Variants in CCAR2 observed in about 807,000 individuals in gnomAD.
CCAR2 encodes the protein cell cycle and apoptosis regulator protein 2.
Under a neutral mutation model 108.1 loss-of-function variants are expected in CCAR2, and 21 were observed. The observed-to-expected ratio is 0.19, with a 90% confidence interval of 0.14 to 0.28. The LOEUF (loss-of-function observed/expected upper bound fraction) is 0.28. CCAR2 is among the 10% of genes least tolerant of loss of function. The pLI is 1.00. For missense variants in CCAR2, 1,126 were observed against 1,177.0 expected, an observed-to-expected ratio of 0.96 and a Z score of 0.63; for synonymous variants, 577 against 472.8, an observed-to-expected ratio of 1.22 and a Z score of -2.86.
chr8:22,618,056 C>T (rs754108888), intron 16 of CCAR2: 2 of 587,682 alleles, frequency 3.4e-6, no homozygotes, highest in Non-Finnish European at 6.0e-6. Flanking sequence ...CTGGCTTGGG[C>T]GTGATGAACA....
rs186898769 is a variant in CCAR2, at chr8:22,607,499, G to T, written c.487+174G>T. Among the ~76,000 whole-genome samples the T allele has an allele frequency of 2.4e-4, 33 of 137,282 alleles. No individual in the cohort carries two copies. In the South Asian group the frequency reaches 5.5e-3, roughly 23 times the overall value. The allele number at this position is 137,282 out of a possible 152,430, so 90.1% of individuals were successfully genotyped here. A position where few individuals can be genotyped will look rare whatever the true frequency, so the allele number is the denominator to read the frequency against. On this transcript the variant is annotated intron_variant, in intron 6 of 20. Coordinates refer to ENST00000308511, the MANE Select transcript of CCAR2 (RefSeq NM_001393997.1). ...TTTTTTTTTTTTTTGATGGAGTCTC[G>T]CTCTGTTGCCCAGGCTGGAGTGCAA...
chr8:22,615,248 C>CACTG (rs1801454473), intron 11 of CCAR2, 177 bp from the exon 12 acceptor site: 2 of 905,794 alleles, frequency 2.2e-6, no homozygotes, highest in East Asian at 2.5e-5. Context: ...GCGGCCTCCC[C>CACTG]ACTGACTGAT....
In CCAR2 at chr8:22,620,022, A is replaced by AGAAAAAGGCTTTTC. The variant is rs1296580453; in HGVS notation, c.*343_*356dup. The AGAAAAAGGCTTTTC allele has an allele frequency of 3.2e-6, 1 of 315,460 alleles. No homozygotes were observed. The highest frequency in any genetic ancestry group is 2.1e-5 in the African/African-American group (1 of 47,228). 19.5% of individuals were successfully genotyped at this position (315,460 alleles called of 1,614,324 possible). On this transcript the variant is annotated 3_prime_UTR_variant, in exon 21 of 21. Transcript: ENST00000308511. ...CTTCCAGTTTAGAATAAGACAGGGG[A>AGAAAAAGGCTTTTC]GAAAAAGGCTTTTCGAGTGTGGGAC... is the stretch of plus-strand genomic sequence containing the variant.
intron 20 of CCAR2, 134 bp from the exon 21 acceptor site, chr8:22,619,504 G>A: frequency 7.2e-7 from 1 of 1,398,378 alleles, no homozygotes; most frequent in Non-Finnish European, 9.8e-7. Context: ...GTGTGCCCCT[G>A]GTTGCAGGTT....
chr8:22,615,815 C>G lies in CCAR2; in HGVS notation c.1511C>G (p.Pro504Arg), dbSNP rs778840164. Residue 504 changes from proline to arginine, a missense_variant, in exon 13 of 21, where the codon CCC becomes CGC. By Grantham distance (103) the Pro-to-Arg change is moderately radical. Transcript: ENST00000308511. ...GATCTCCCAGAGGCCCCTCCACCCC[C>G]CCTAGAACCTGCTGTCATCGCACGC... Reference protein sequence around the residue: ...DTDLPEAPPPPLEPAVIARPG... With the variant: ...DTDLPEAPPPRLEPAVIARPG... 1.1e-5 allele frequency: 18 copies of G among 1,613,878 alleles called. No homozygotes were observed. The highest frequency in any genetic ancestry group is 6.7e-5 in the African/African-American group (5 of 74,910).
At chr8:22,617,019 G>A (rs1477062332) in intron 14 of CCAR2, among the ~76,000 whole-genome samples, 1 of 151,068 alleles carries the variant, frequency 6.6e-6, no homozygotes, top group African/African-American at 2.4e-5. Flanking sequence ...CAGTAGGTGG[G>A]ATTACAGGCA....
At chr8:22,616,831 A>AAAG (rs1376448364) in intron 14 of CCAR2, among the ~76,000 whole-genome samples, 1 of 150,916 alleles carries the variant, frequency 6.6e-6, no homozygotes, top group African/African-American at 2.4e-5. Context: ...AAAGAAAAAA[A>AAAG]AAGATTTGTA....
rs1034609901 is a variant in CCAR2 at position 22,606,233 on chromosome 8, C to T, written c.150+57C>T. On this transcript the variant is annotated intron_variant, in intron 3 of 20. Coordinates refer to ENST00000308511, the MANE Select transcript of CCAR2 (RefSeq NM_001393997.1). ...GCCCTTGGGACTGAATGCATGGAGG[C>T]CTGGTGCTCTTTTTCTCTTACATAA... is the stretch of plus-strand genomic sequence containing the variant. 1.1e-5 allele frequency: 15 copies of T among 1,325,528 alleles called. No homozygotes were observed. The African/African-American group carries it at 2.2e-4, about 19-fold the overall frequency. 82.1% of individuals were successfully genotyped at this position (1,325,528 alleles called of 1,614,324 possible).
chr8:22,616,359 G>C, intron 14 of CCAR2, 111 bp downstream of exon 14: 1 of 999,164 alleles, frequency 1.0e-6, no homozygotes, highest in Non-Finnish European at 1.5e-6. Context: ...CTGCACCCTT[G>C]CTCGGCATGG....
In CCAR2 at chr8:22,617,490, C is replaced by T; in HGVS notation, c.1916C>T (p.Ala639Val). The change falls in exon 15 of 21, where the codon GCT (alanine) becomes GTT (valine). Residue 639 changes from alanine (A) to valine (V), a missense_variant. By Grantham distance (64) the Ala-to-Val change is moderately conservative (BLOSUM62 0). Around this residue, in one of 4 missense-constraint regions of CCAR2, gnomAD observed 1,013 missense variants for 993.9 expected, o/e 1.02. Coordinates refer to ENST00000308511, the MANE Select transcript of CCAR2 (RefSeq NM_001393997.1). ...GAAGAAGAAAAACCCCGGGGCGAGG[C>T]TTCTGAGGACCTGTGTGAGATGGCC... ...GEEEEKPRGE[A>V]SEDLCEMALD... is the part of the protein sequence containing the mutation. 6.2e-7 allele frequency: 1 copy of T among 1,605,774 alleles called. No individual in the cohort carries two copies. Among genetic ancestry groups the T allele is most frequent in the Non-Finnish European group, 8.5e-7 (1 of 1,176,182 alleles).
chr8:22,617,581 G>A lies in CCAR2; in HGVS notation c.1990+17G>A, dbSNP rs369556960. On this transcript the variant is annotated intron_variant, in intron 15 of 20. Transcript: ENST00000308511. ...AGGAGTTTGGTATGTTGAGTGGTGA[G>A]AGGGGAGCTTGCAGGCTTGGGATGT... is the stretch of plus-strand genomic sequence containing the variant. 6 of 1,605,378 alleles carry A rather than the reference G, an allele frequency of 3.7e-6. No individual in the cohort carries two copies. The African/African-American group carries it at 6.7e-5, about 18-fold the overall frequency.
Position 22,614,863 on chromosome 8 carries a change from A to C in CCAR2, c.1067A>C (p.Glu356Ala), listed in dbSNP as rs184739367. The change falls in exon 11 of 21, where the codon GAG (glutamate) becomes GCG (alanine). Residue 356 changes from glutamate to alanine, a missense_variant. Glu to Ala is a moderately radical substitution (Grantham distance 107). Transcript: ENST00000308511. Reference sequence around the variant, plus strand: ...TTTTTGCTGGGCAGGAAAGAAGAGGAGGCAGTGCTGGTTGGGGGTGAATGG... The same window carrying C: ...TTTTTGCTGGGCAGGAAAGAAGAGGCGGCAGTGCTGGTTGGGGGTGAATGG... The part of the protein sequence containing the change: ...IKFLLGRKEE[E>A]AVLVGGEWSP... 13 of 1,604,040 alleles carry C rather than the reference A, an allele frequency of 8.1e-6. No homozygotes were observed. In the Admixed American group the frequency reaches 1.2e-4, roughly 15 times the overall value.
chr8:22,614,979 G>T lies in CCAR2; in HGVS notation c.1183G>T (p.Asp395Tyr). The change falls in exon 11 of 21, where the codon GAT becomes TAT. Residue 395 changes from aspartate to tyrosine, a missense_variant. Asp to Tyr is a radical substitution (Grantham distance 160, BLOSUM62 -3). Coordinates refer to ENST00000308511, the MANE Select transcript of CCAR2 (RefSeq NM_001393997.1). ...CTGTGCGCAGGCCCAGACTGGCATT[G>T]ATTTGAGCGGCTGTACCAAGTGGTG... ...IRCAQAQTGI[D>Y]LSGCTKWWRF... is the part of the protein sequence containing the mutation. The T allele has an allele frequency of 6.3e-7, 1 of 1,590,920 alleles. No individual in the cohort carries two copies. Among genetic ancestry groups the T allele is most frequent in the Non-Finnish European group, 8.6e-7 (1 of 1,168,244 alleles).
intron 14 of CCAR2, 71 bp downstream of exon 14, chr8:22,616,319 C>T: frequency 1.4e-6 from 2 of 1,422,106 alleles, no homozygotes; most frequent in Non-Finnish European, 2.0e-6. Context: ...GGGCTCTGTT[C>T]CGAGCGCTTC....
At chr8:22,605,671 A>C (rs1801044650) in intron 1 of CCAR2, 65 bp from the exon 2 acceptor site, 1 of 956,538 alleles carries the variant, frequency 1.0e-6, no homozygotes, top group Non-Finnish European at 1.6e-6. Flanking sequence ...AAGATTCTCC[A>C]CTTTTCCGGG....
intron 8 of CCAR2, 25 bp downstream of exon 8, chr8:22,613,161 T>A: frequency 6.5e-7 from 1 of 1,537,774 alleles, no homozygotes; most frequent in Non-Finnish European, 8.8e-7. Context: ...TGAGGTGGGC[T>A]GAGTCTTGCT....
chr8:22,616,866 CTTTTTTTTTTT>C (rs36086286), intron 14 of CCAR2, among the ~76,000 whole-genome samples: 1 of 54,716 alleles, frequency 1.8e-5, no homozygotes, highest in Non-Finnish European at 3.6e-5. Flanking sequence ...TACTAGTCTG[CTTTTTTTTTTT>C]TTTTTTTTTT....
intron 1 of CCAR2, chr8:22,605,425 A>C: frequency 4.4e-6 from 1 of 227,440 alleles, no homozygotes; most frequent in Non-Finnish European, 8.7e-6. Context: ...GGGTGTGAGT[A>C]GCAGTTTTGT....
chr8:22,605,874 G>C, intron 2 of CCAR2, 43 bp downstream of exon 2: 2 of 1,581,846 alleles, frequency 1.3e-6, no homozygotes, highest in Non-Finnish European at 1.7e-6. Context: ...TGGGAAGTAT[G>C]TGCTCTGGAG....
Sources: gnomAD v4.1 joint callset for allele counts (sites outside exome capture counted in the v4.1 genomes callset) on GRCh38, gnomAD v4.1.1 for gene constraint, gnomAD v4.1.1 regional missense constraint, MANE v1.5 for transcripts, NCBI Gene and HGNC (gene_info 2026-07-23, HGNC 2026-07-21) for gene names.